Variants in ADARB1 observed in about 807,000 individuals in gnomAD.
ADARB1 encodes the protein double-stranded RNA-specific editase 1.
ADARB1 carries 10 observed loss-of-function variants against 52.4 expected under a neutral mutation model. The ratio of observed to expected loss-of-function variants is 0.19; its 90% CI spans 0.12 to 0.32. The LOEUF (loss-of-function observed/expected upper bound fraction) is 0.32. Among genes scored for constraint, ADARB1 ranks in the 10% least tolerant of loss-of-function variants. The probability of loss-of-function intolerance (pLI) is 1.00; values close to 1 mark genes in which losing one functional copy is unlikely to be tolerated. For missense variants in ADARB1, 643 were observed against 922.3 expected, an observed-to-expected ratio of 0.70 and a Z score of 3.92; for synonymous variants, 349 against 371.1, an observed-to-expected ratio of 0.94 and a Z score of 0.68.
rs182003690 is a variant in ADARB1 at position 45,223,929 on chromosome 21, C to T, written c.*1732C>T. On this transcript the variant is annotated 3_prime_UTR_variant, in exon 11 of 11. Coordinates refer to ENST00000348831, the MANE Select transcript of ADARB1 (RefSeq NM_001112.4). ...ATCTGCCCCACAGCAGCCTCCTCCT[C>T]CACCGAAGAGGGTAGTTGTCTCCCT... 256 of 985,614 alleles carry T rather than the reference C, an allele frequency of 2.6e-4. No homozygotes were observed. The highest frequency in any genetic ancestry group is 7.5e-4 in the South Asian group (16 of 21,278). The allele number at this position is 985,614 out of a possible 1,614,324, so 61.1% of individuals were successfully genotyped here. A position where few individuals can be genotyped will look rare whatever the true frequency, so the allele number is the denominator to read the frequency against.
At chr21:45,087,244 G>A (rs990627242) in intron 1 of ADARB1, among the ~76,000 whole-genome samples, 1 of 152,184 alleles carries the variant, frequency 6.6e-6, no homozygotes, top group African/African-American at 2.4e-5. Flanking sequence ...CCAACAATGT[G>A]AAAATACATT....
At chr21:45,196,531 T>C (rs186342316) in intron 8 of ADARB1, among the ~76,000 whole-genome samples, 1 of 152,246 alleles carries the variant, frequency 6.6e-6, no homozygotes, top group Non-Finnish European at 1.5e-5. Context: ...CAAAAAGCAC[T>C]GTTTAAACAG....
chr21:45,146,598 C>T (rs2145922977), intron 2 of ADARB1, among the ~76,000 whole-genome samples: 1 of 152,310 alleles, frequency 6.6e-6, no homozygotes, highest in East Asian at 1.9e-4. Flanking sequence ...CTAAAGCCCA[C>T]TATTGGGCTC....
In ADARB1 at chr21:45,225,616, T is replaced by A; in HGVS notation, c.*3419T>A. 7.7e-7 allele frequency: 1 copy of A among 1,290,530 alleles called. No individual in the cohort carries two copies. The highest frequency in any genetic ancestry group is 1.0e-6 in the Non-Finnish European group (1 of 999,330). 79.9% of individuals were successfully genotyped at this position (1,290,530 alleles called of 1,614,324 possible). ...TCTGAGGATGGGATTAGCGAAGCTGTGGAGACTGCACATCCGGACCTGCCC... is the reference window on the plus strand; with the variant it reads ...TCTGAGGATGGGATTAGCGAAGCTGAGGAGACTGCACATCCGGACCTGCCC... On this transcript the variant is annotated 3_prime_UTR_variant, in exon 11 of 11. Coordinates refer to ENST00000348831, the MANE Select transcript of ADARB1 (RefSeq NM_001112.4).
intron 1 of ADARB1, among the ~76,000 whole-genome samples, chr21:45,078,345 C>T (rs2086025716): frequency 6.6e-6 from 1 of 152,208 alleles, no homozygotes; most frequent in African/African-American, 2.4e-5. Flanking sequence ...GGCCCAGGTA[C>T]TGTTCTAGGT....
rs114675742 is a variant in ADARB1, at chr21:45,095,769, T to C, written c.-220+20976T>C. On this transcript the variant is annotated intron_variant, in intron 1 of 10. Coordinates refer to ENST00000348831, the MANE Select transcript of ADARB1 (RefSeq NM_001112.4). ...TGTCTCTCATTGGCTGGAAGAGTAT[T>C]ACACGGCTACCTCTGGTTGCCCAGA... is the stretch of plus-strand genomic sequence containing the variant. 5.2e-3 allele frequency among the ~76,000 whole-genome samples: 791 copies of C among 152,302 alleles called. 6 individuals carry two copies. Among genetic ancestry groups the C allele is most frequent in the African/African-American group, 0.018 (757 of 41,564 alleles).
Position 45,204,489 on chromosome 21 carries a change from C to A in ADARB1, c.1566-66C>A. 1 of 1,537,488 alleles carries A rather than the reference C, an allele frequency of 6.5e-7. No homozygotes were observed. The highest frequency in any genetic ancestry group is 1.7e-5 in the Admixed American group (1 of 58,216). Reference sequence around the variant, plus strand: ...CAGTGCATCCCTGTAACCACGCAGGCTTGGGCTGGGCTGCGTCGACACTGA... The same window carrying A: ...CAGTGCATCCCTGTAACCACGCAGGATTGGGCTGGGCTGCGTCGACACTGA... On this transcript the variant is annotated intron_variant, in intron 8 of 10. Coordinates refer to ENST00000348831, the MANE Select transcript of ADARB1 (RefSeq NM_001112.4). The surrounding 1 kb of genome is among the most constrained non-coding windows in gnomAD (Gnocchi z 4.4).
At chr21:45,107,130 T>C (rs1052112106) in intron 1 of ADARB1, among the ~76,000 whole-genome samples, 5 of 152,128 alleles carry the variant, frequency 3.3e-5, no homozygotes, top group African/African-American at 1.2e-4. Context: ...CCATTAACAA[T>C]AGCAACAACG....
At chr21:45,123,274 CGTGT>C (rs10647195) in intron 1 of ADARB1, among the ~76,000 whole-genome samples, 4 of 148,990 alleles carry the variant, frequency 2.7e-5, no homozygotes, top group Non-Finnish European at 4.5e-5. Context: ...ATATATACTA[CGTGT>C]GTGTGTGTGT....
At chr21:45,164,890 G>A (rs2091178012) in intron 2 of ADARB1, among the ~76,000 whole-genome samples, 1 of 152,146 alleles carries the variant, frequency 6.6e-6, no homozygotes, top group African/African-American at 2.4e-5. Context: ...GGGGTGTGGG[G>A]TGAGAGGGGA....
At chr21:45,149,360 C>T (rs1455001982) in intron 2 of ADARB1, among the ~76,000 whole-genome samples, 4 of 152,242 alleles carry the variant, frequency 2.6e-5, no homozygotes, top group East Asian at 1.9e-4. Context: ...TCTGGGGGCA[C>T]TCAGGTGGCC....
chr21:45,224,157 A>G lies in ADARB1; in HGVS notation c.*1960A>G. 1.0e-6 allele frequency: 1 copy of G among 985,388 alleles called. No homozygotes were observed. The allele number at this position is 985,388 out of a possible 1,614,324, so 61.0% of individuals were successfully genotyped here. A position where few individuals can be genotyped will look rare whatever the true frequency, so the allele number is the denominator to read the frequency against. On this transcript the variant is annotated 3_prime_UTR_variant, in exon 11 of 11. Coordinates refer to ENST00000348831, the MANE Select transcript of ADARB1 (RefSeq NM_001112.4). Reference sequence around the variant, plus strand: ...GTCTTGATAAATTGTATTTTTTTCTAATGGGGATTGGGAGATGGACTTCGT... The same window carrying G: ...GTCTTGATAAATTGTATTTTTTTCTGATGGGGATTGGGAGATGGACTTCGT...
At chr21:45,151,902 C>T (rs1022812529) in intron 2 of ADARB1, among the ~76,000 whole-genome samples, 2 of 152,206 alleles carry the variant, frequency 1.3e-5, no homozygotes, top group African/African-American at 4.8e-5. Context: ...TGGCGTTTGC[C>T]CCTCCCTTGG....
At chr21:45,105,102 GTTTTGTTTTGTTTTT>G (rs2087190520) in intron 1 of ADARB1, among the ~76,000 whole-genome samples, 1 of 150,814 alleles carries the variant, frequency 6.6e-6, no homozygotes, top group Non-Finnish European at 1.5e-5. Flanking sequence ...GTTTTGTTTT[GTTTTGTTTTGTTTTT>G]TTAGATGGAG....
At chr21:45,082,539 T>G (rs1443999500) in intron 1 of ADARB1, among the ~76,000 whole-genome samples, 1 of 152,240 alleles carries the variant, frequency 6.6e-6, no homozygotes, top group African/African-American at 2.4e-5. Context: ...TGTAATTAAG[T>G]CAGTTATTCC....
In ADARB1 at chr21:45,221,948, T is replaced by A. The variant is rs1213898850; in HGVS notation, c.1927-70T>A. The stretch of plus-strand genomic sequence containing the variant: ...TGCAGTTCTGAAGGCCATGTTTTGG[T>A]ATCTTATTAGGTGTTGTTTTCATCT... On this transcript the variant is annotated intron_variant, in intron 10 of 10. Coordinates refer to ENST00000348831, the MANE Select transcript of ADARB1 (RefSeq NM_001112.4). The surrounding 1 kb of genome is among the most constrained non-coding windows in gnomAD (Gnocchi z 4.9). The A allele has an allele frequency of 6.6e-7, 1 of 1,514,146 alleles. No homozygotes were observed. Among genetic ancestry groups the A allele is most frequent in the African/African-American group, 1.4e-5 (1 of 72,648 alleles). The allele number at this position is 1,514,146 out of a possible 1,614,324, so 93.8% of individuals were successfully genotyped here. A position where few individuals can be genotyped will look rare whatever the true frequency, so the allele number is the denominator to read the frequency against.
At chr21:45,148,407 C>T (rs905022076) in intron 2 of ADARB1, among the ~76,000 whole-genome samples, 3 of 152,322 alleles carry the variant, frequency 2.0e-5, no homozygotes, top group Middle Eastern at 3.4e-3. Flanking sequence ...GGAAAGAATC[C>T]GGACAGGCAG....
At chr21:45,191,516 G>A (rs2092280490) in intron 8 of ADARB1, among the ~76,000 whole-genome samples, 1 of 152,028 alleles carries the variant, frequency 6.6e-6, no homozygotes, top group South Asian at 2.1e-4. Flanking sequence ...TTTATCAAAT[G>A]TTTTATGTGT....
At chr21:45,158,603 A>G (rs1368968946) in intron 2 of ADARB1, among the ~76,000 whole-genome samples, 1 of 152,120 alleles carries the variant, frequency 6.6e-6, no homozygotes, top group African/African-American at 2.4e-5. Context: ...ACTGTGCAGC[A>G]GCCTCATGCC....
Sources: gnomAD v4.1 joint callset for allele counts (sites outside exome capture counted in the v4.1 genomes callset) on GRCh38, gnomAD v4.1.1 for gene constraint, Gnocchi (gnomAD v3.1) non-coding constraint, MANE v1.5 for transcripts, NCBI Gene and HGNC (gene_info 2026-07-23, HGNC 2026-07-21) for gene names.